Variants in PRKG1 observed in about 807,000 individuals in gnomAD.
PRKG1 encodes the protein cGMP-dependent protein kinase 1.
In PRKG1, 35 loss-of-function variants were observed where a neutral mutation model predicts 88.1. The observed-to-expected ratio is 0.40, with a 90% CI of 0.30 to 0.53. The LOEUF is 0.53. Ranked by LOEUF, PRKG1 falls within the 20% of genes least tolerant of loss-of-function variation. PRKG1 has a pLI of 0.59. For synonymous variants in PRKG1, 303 were observed against 292.5 expected (o/e 1.04, Z -0.37); for missense variants, 540 against 839.8 (o/e 0.64, Z 4.41).
Position 52,296,023 on chromosome 10 carries a change from G to A in PRKG1, c.*2123G>A, listed in dbSNP as rs1842374322. On this transcript the variant is annotated 3_prime_UTR_variant, in exon 18 of 18. Coordinates refer to ENST00000373980, the MANE Select transcript of PRKG1 (RefSeq NM_006258.4). ...AATCTAGCTATGAATGTTATTTCAA[G>A]AGTTTTATATTTTTAATTGGCTTTT... 1 of 151,940 alleles carries A rather than the reference G, an allele frequency of 6.6e-6. No homozygotes were observed. The highest frequency in any genetic ancestry group is 1.5e-5 in the Non-Finnish European group (1 of 67,902). 9.4% of individuals were successfully genotyped at this position (151,940 alleles called of 1,614,324 possible). A position where few individuals can be genotyped will look rare whatever the true frequency, so the allele number is the denominator to read the frequency against.
At chr10:51,476,984 A>G (rs1840214334) in intron 3 of PRKG1, among the ~76,000 whole-genome samples, 1 of 152,000 alleles carries the variant, frequency 6.6e-6, no homozygotes, top group Non-Finnish European at 1.5e-5. Flanking sequence ...CTACAATTGC[A>G]TAGGTGAGGC....
At chr10:51,507,917 G>A (rs1318000227) in intron 3 of PRKG1, among the ~76,000 whole-genome samples, 1 of 152,004 alleles carries the variant, frequency 6.6e-6, no homozygotes, top group East Asian at 1.9e-4. Flanking sequence ...GAAATACAAA[G>A]GTAAACAGTT....
intron 3 of PRKG1, among the ~76,000 whole-genome samples, chr10:51,638,465 G>T (rs1839713490): frequency 1.3e-5 from 2 of 152,276 alleles, no homozygotes; most frequent in African/African-American, 4.8e-5. Flanking sequence ...TTCAATATTT[G>T]ATATGCAGTT....
chr10:51,664,402 A>G (rs1054006279), intron 3 of PRKG1, among the ~76,000 whole-genome samples: 2 of 152,174 alleles, frequency 1.3e-5, no homozygotes, highest in African/African-American at 4.8e-5. Flanking sequence ...GTGTTCTTCC[A>G]CAGGAATCTC....
rs1002644105 is a variant in PRKG1 at position 51,839,663 on chromosome 10, C to T, written c.698+34973C>T. Among the ~76,000 whole-genome samples the T allele has an allele frequency of 5.9e-5, 9 of 152,226 alleles. No individual in the cohort carries two copies. The East Asian group carries it at 7.7e-4, about 13-fold the overall frequency. ...TTGGATATGCAGGGTTCTCGATAAT[C>T]GTAGTGGTTTACTAACCAATATTCT... is the stretch of plus-strand genomic sequence containing the variant. On this transcript the variant is annotated intron_variant, in intron 4 of 17. Transcript: ENST00000373980.
intron 7 of PRKG1, among the ~76,000 whole-genome samples, chr10:52,072,143 G>C (rs1038872937): frequency 7.3e-6 from 1 of 137,600 alleles, no homozygotes; most frequent in Non-Finnish European, 1.5e-5. Flanking sequence ...GAGACTCTCA[G>C]GGTTTATTGT....
At chr10:51,451,989 G>A (rs1048491936) in intron 2 of PRKG1, among the ~76,000 whole-genome samples, 3 of 151,870 alleles carry the variant, frequency 2.0e-5, no homozygotes, top group Admixed American at 2.0e-4. Context: ...TGGAATTAGT[G>A]ACAAATCTTA....
At position 51,849,092 on chromosome 10, in the gene PRKG1, T is replaced by C. The variant is rs553838061; in HGVS notation, c.698+44402T>C. 3.9e-5 allele frequency among the ~76,000 whole-genome samples: 6 copies of C among 152,304 alleles called. No individual in the cohort carries two copies. The East Asian group carries it at 7.7e-4, about 20-fold the overall frequency. On this transcript the variant is annotated intron_variant, in intron 4 of 17. Transcript: ENST00000373980. ...GCTTCTTTTTATTTCTAAAAATATC[T>C]ATTTTCTGCTTTATCCAATTATGTC...
intron 1 of PRKG1, among the ~76,000 whole-genome samples, chr10:51,088,074 A>G (rs2131859896): frequency 6.6e-6 from 1 of 152,310 alleles, no homozygotes; most frequent in African/African-American, 2.4e-5. Flanking sequence ...CTCTATATTC[A>G]AATTTTTATT....
intron 3 of PRKG1, among the ~76,000 whole-genome samples, chr10:51,725,428 T>C (rs1012383428): frequency 1.1e-4 from 15 of 142,024 alleles, no homozygotes; most frequent in African/African-American, 3.8e-4. Context: ...AAAAGACACT[T>C]AGGCAACTTT....
chr10:51,133,062 T>G (rs530558761), intron 1 of PRKG1, among the ~76,000 whole-genome samples: 1 of 151,362 alleles, frequency 6.6e-6, no homozygotes, highest in Admixed American at 6.6e-5. Flanking sequence ...TGAGACATAG[T>G]TAGGTGGATG....
intron 14 of PRKG1, among the ~76,000 whole-genome samples, chr10:52,282,758 C>A (rs1210293306): frequency 2.6e-5 from 4 of 152,016 alleles, no homozygotes; most frequent in Admixed American, 2.6e-4. Flanking sequence ...TTATCATCAA[C>A]TCAAATAGGC....
At chr10:52,126,767 C>T (rs1451155128) in intron 7 of PRKG1, among the ~76,000 whole-genome samples, 2 of 152,158 alleles carry the variant, frequency 1.3e-5, no homozygotes, top group African/African-American at 4.8e-5. Context: ...GCTGCATGTG[C>T]ACAGGCATGG....
intron 1 of PRKG1, among the ~76,000 whole-genome samples, chr10:51,124,610 G>T (rs541168683): frequency 3.9e-5 from 6 of 152,140 alleles, no homozygotes; most frequent in African/African-American, 1.4e-4. Context: ...TTCATTGGAA[G>T]CAGTCATATA....
chr10:51,965,145 G>C (rs967448653), intron 5 of PRKG1, among the ~76,000 whole-genome samples: 1 of 152,112 alleles, frequency 6.6e-6, no homozygotes, highest in Non-Finnish European at 1.5e-5. Context: ...AGGTAAACTT[G>C]TCTCTTTGTT....
At position 51,684,171 on chromosome 10, in the gene PRKG1, A is replaced by G. The variant is rs192494243; in HGVS notation, c.593-120414A>G. ...AAATGTGGTATATTCATACAAAAGA[A>G]TACTAATTGACAATAATGCTACAAC... On this transcript the variant is annotated intron_variant, in intron 3 of 17. Transcript: ENST00000373980. 1.1e-3 allele frequency among the ~76,000 whole-genome samples: 161 copies of G among 152,366 alleles called. 2 individuals are homozygous for G. The highest frequency in any genetic ancestry group is 3.7e-3 in the African/African-American group (153 of 41,582).
At chr10:51,520,668 A>G (rs990452464) in intron 3 of PRKG1, among the ~76,000 whole-genome samples, 2 of 152,226 alleles carry the variant, frequency 1.3e-5, no homozygotes, top group African/African-American at 4.8e-5. Context: ...CAAAGAAAAG[A>G]AAGTTGGAAA....
intron 3 of PRKG1, among the ~76,000 whole-genome samples, chr10:51,474,388 T>C (rs1435948125): frequency 1.3e-5 from 2 of 152,022 alleles, no homozygotes; most frequent in African/African-American, 4.8e-5. Flanking sequence ...CAGCATGTTA[T>C]GGTTTCGAAA....
At chr10:51,388,641 C>T (rs1837315285) in intron 2 of PRKG1, among the ~76,000 whole-genome samples, 1 of 152,166 alleles carries the variant, frequency 6.6e-6, no homozygotes, top group Admixed American at 6.5e-5. Flanking sequence ...ATTAAATTCT[C>T]CTAACACTCA....
Sources: allele counts gnomAD v4.1 joint callset (sites outside exome capture counted in the v4.1 genomes callset), GRCh38; gene constraint gnomAD v4.1.1; transcripts MANE v1.5; gene names NCBI Gene and HGNC (gene_info 2026-07-23, HGNC 2026-07-21).